Variants in SHISA9 observed in about 807,000 individuals in gnomAD.
The protein encoded by SHISA9 is shisa family member 9.
A neutral mutation model predicts 38.0 loss-of-function variants in SHISA9; 13 were observed. The ratio of observed to expected loss-of-function variants is 0.34; its 90% CI spans 0.22 to 0.54. The LOEUF is 0.54. Ranked by LOEUF, SHISA9 falls within the 20% of genes least tolerant of loss-of-function variation. The probability of loss-of-function intolerance (pLI) is 0.91; values close to 1 mark genes in which losing one functional copy is unlikely to be tolerated. For missense variants in SHISA9, 538 were observed against 575.8 expected, an observed-to-expected ratio of 0.93 and a Z score of 0.67; for synonymous variants, 275 against 242.0, an observed-to-expected ratio of 1.14 and a Z score of -1.27.
In SHISA9 at chr16:13,134,104, C is replaced by T. The variant is rs185801428; in HGVS notation, c.692-69290C>T. 5.8e-4 allele frequency among the ~76,000 whole-genome samples: 89 copies of T among 152,246 alleles called. 2 individuals carry two copies. The highest frequency in any genetic ancestry group is 6.8e-3 in the Middle Eastern group (2 of 294). ...AACTTTGTTAGAATCTGGTCATACACGGATTGCTGCACAACAGCACAGTGG... is the reference window on the plus strand; with the variant it reads ...AACTTTGTTAGAATCTGGTCATACATGGATTGCTGCACAACAGCACAGTGG... On this transcript the variant is annotated intron_variant, in intron 2 of 4. Transcript: ENST00000558583.
At chr16:12,922,123 G>A (rs1190102532) in intron 2 of SHISA9, among the ~76,000 whole-genome samples, 1 of 152,222 alleles carries the variant, frequency 6.6e-6, no homozygotes, top group African/African-American at 2.4e-5. Flanking sequence ...TGTGATACAG[G>A]TGTTTGCAGT....
the SHISA9 span, among the ~76,000 whole-genome samples, chr16:13,462,140 A>T: frequency 1.4e-4 from 22 of 152,074 alleles, no homozygotes; most frequent in Admixed American, 5.9e-4. Context: ...GTATGGTGGC[A>T]TCCACCTGTA....
At chr16:13,018,946 G>A (rs1368207292) in intron 2 of SHISA9, among the ~76,000 whole-genome samples, 2 of 152,170 alleles carry the variant, frequency 1.3e-5, no homozygotes, top group African/African-American at 4.8e-5. Flanking sequence ...CTTTGCTCAA[G>A]CTACCATAGC....
At chr16:12,990,077 G>T (rs1400333922) in intron 2 of SHISA9, among the ~76,000 whole-genome samples, 1 of 152,076 alleles carries the variant, frequency 6.6e-6, no homozygotes, top group African/African-American at 2.4e-5. Flanking sequence ...GATGGCTTCT[G>T]GCTCTATCCA....
chr16:13,092,475 G>A (rs28887319), intron 2 of SHISA9, among the ~76,000 whole-genome samples: 8,056 of 152,266 alleles, frequency 0.053, 345 homozygotes, highest in Admixed American at 0.14. Flanking sequence ...GGTGGGCTCC[G>A]TCCAGTTCGA....
intron 2 of SHISA9, among the ~76,000 whole-genome samples, chr16:13,148,383 T>C (rs539398732): frequency 2.2e-4 from 33 of 151,926 alleles, no homozygotes; most frequent in Non-Finnish European, 3.8e-4. Context: ...CATGCGCAGT[T>C]TCCATGACAC....
At chr16:13,258,793 A>C in the SHISA9 span, among the ~76,000 whole-genome samples, 4 of 152,170 alleles carry the variant, frequency 2.6e-5, no homozygotes, top group African/African-American at 9.7e-5. Flanking sequence ...GCATGGGAAA[A>C]ACTGGCTCCC....
chr16:12,955,069 T>C (rs1046309829), intron 2 of SHISA9, among the ~76,000 whole-genome samples: 2 of 151,928 alleles, frequency 1.3e-5, no homozygotes, highest in South Asian at 2.1e-4. Context: ...GTTTTTTTTT[T>C]ATTCTTGCCT....
the SHISA9 span, among the ~76,000 whole-genome samples, chr16:13,550,008 G>C: frequency 7.0e-6 from 1 of 141,976 alleles, no homozygotes; most frequent in African/African-American, 2.7e-5. Context: ...GGGCAACAGA[G>C]TGAGACTGTG....
intron 2 of SHISA9, among the ~76,000 whole-genome samples, chr16:12,981,045 G>C (rs1324105620): frequency 6.6e-6 from 1 of 152,152 alleles, no homozygotes; most frequent in Non-Finnish European, 1.5e-5. Flanking sequence ...GTAACCCAAT[G>C]TGTTGTTTTT....
At chr16:13,444,388 G>A in the SHISA9 span, among the ~76,000 whole-genome samples, 3 of 124,276 alleles carry the variant, frequency 2.4e-5, no homozygotes, top group Non-Finnish European at 5.1e-5. Context: ...AGAGAAGAAG[G>A]AAAGAAGGAA....
the SHISA9 span, among the ~76,000 whole-genome samples, chr16:13,493,225 G>T: frequency 0.28 from 42,707 of 151,442 alleles, 6,524 homozygotes; most frequent in East Asian, 0.37. Flanking sequence ...CTCATCATCA[G>T]TTGGAGGAGA....
chr16:12,904,133 G>A lies in SHISA9; in HGVS notation c.563+1506G>A, dbSNP rs1041073691. 1.2e-4 allele frequency among the ~76,000 whole-genome samples: 18 copies of A among 152,072 alleles called. 1 individual carries two copies. Among genetic ancestry groups the A allele is most frequent in the Admixed American group, 2.0e-4 (3 of 15,270 alleles). ...CCCGCCCACCTTCCGCAACCACAGG[G>A]TGGCCTGTCCCCAGCCCCACCGGCC... On this transcript the variant is annotated intron_variant, in intron 1 of 4. Transcript: ENST00000558583.
the SHISA9 span, among the ~76,000 whole-genome samples, chr16:13,393,698 TAG>T: frequency 2.1e-5 from 3 of 144,072 alleles, no homozygotes; most frequent in Non-Finnish European, 4.8e-5. Context: ...TTGGCTTAGG[TAG>T]TACAGCTCTG....
chr16:13,017,877 A>G (rs1178809011), intron 2 of SHISA9, among the ~76,000 whole-genome samples: 1 of 152,212 alleles, frequency 6.6e-6, no homozygotes, highest in Non-Finnish European at 1.5e-5. Context: ...CTTTGCCTTG[A>G]GGGCTATCAC....
intron 2 of SHISA9, among the ~76,000 whole-genome samples, chr16:13,090,539 C>G (rs2073763494): frequency 6.6e-6 from 1 of 152,126 alleles, no homozygotes; most frequent in Admixed American, 6.6e-5. Flanking sequence ...TTTAATTGAT[C>G]CCTTTACCAT....
chr16:13,352,700 G>GC, the SHISA9 span, among the ~76,000 whole-genome samples: 2 of 5,918 alleles, frequency 3.4e-4, no homozygotes, highest in Admixed American at 1.4e-3. Context: ...AGGGAGATAA[G>GC]GGGGGGGGGG....
At chr16:13,456,854 T>A in the SHISA9 span, among the ~76,000 whole-genome samples, 1 of 151,912 alleles carries the variant, frequency 6.6e-6, no homozygotes, top group Admixed American at 6.5e-5. Flanking sequence ...ATGCTTATCA[T>A]CACATGTTGA....
intron 2 of SHISA9, among the ~76,000 whole-genome samples, chr16:13,152,780 A>T (rs1374414669): frequency 6.6e-6 from 1 of 152,204 alleles, no homozygotes; most frequent in African/African-American, 2.4e-5. Context: ...TAGACAGAAT[A>T]ATGGGCCCCC....
Sources: allele counts gnomAD v4.1 joint callset (sites outside exome capture counted in the v4.1 genomes callset), GRCh38; gene constraint gnomAD v4.1.1; transcripts MANE v1.5; gene names NCBI Gene and HGNC (gene_info 2026-07-23, HGNC 2026-07-21).